Variants in C1orf105 observed in about 807,000 individuals in gnomAD.
C1orf105 encodes the protein uncharacterized protein C1orf105.
A neutral mutation model predicts 20.8 loss-of-function variants in C1orf105; 17 were observed. That is an observed-to-expected ratio of 0.82 (90% CI 0.56 to 1.23). The LOEUF is 1.23. Among genes scored for constraint, C1orf105 ranks in the 50% most tolerant of loss-of-function variants. The probability of loss-of-function intolerance (pLI) is 0.00; values close to 1 mark genes in which losing one functional copy is unlikely to be tolerated. For synonymous variants in C1orf105, 72 were observed against 72.1 expected (o/e 1.00, Z 0.01); for missense variants, 219 against 213.5 (o/e 1.03, Z -0.16).
At chr1:172,428,968 T>A in intron 1 of C1orf105, 1 of 556,914 alleles carries the variant, frequency 1.8e-6, no homozygotes, top group Non-Finnish European at 3.1e-6. Flanking sequence ...TACTGTTGGA[T>A]ACTGGGGGAA....
chr1:172,443,941 G>A (rs1269112153), intron 1 of C1orf105: 30 of 997,208 alleles, frequency 3.0e-5, no homozygotes, highest in Non-Finnish European at 3.5e-5. Context: ...AGGCAGCAGA[G>A]GAAAAGGAGC....
intron 3 of C1orf105, chr1:172,452,918 A>G: frequency 6.6e-7 from 1 of 1,507,606 alleles, no homozygotes; most frequent in Non-Finnish European, 8.9e-7. Flanking sequence ...CATTCCTGTT[A>G]TTGCTGCTGA....
At chr1:172,435,525 G>C (rs959605085) in intron 1 of C1orf105, among the ~76,000 whole-genome samples, 12 of 152,110 alleles carry the variant, frequency 7.9e-5, no homozygotes, top group Non-Finnish European at 4.4e-5. Flanking sequence ...TGCAGAAAAG[G>C]TCTTTGACAA....
At chr1:172,444,430 C>A in intron 1 of C1orf105, 1 of 453,352 alleles carries the variant, frequency 2.2e-6, no homozygotes, top group Non-Finnish European at 2.9e-6. Flanking sequence ...TGATTGAATG[C>A]CTGCATGTAA....
intron 1 of C1orf105, among the ~76,000 whole-genome samples, chr1:172,423,287 G>A (rs371634127): frequency 1.9e-4 from 29 of 152,324 alleles, no homozygotes; most frequent in African/African-American, 7.0e-4. Flanking sequence ...AGCACAGGAA[G>A]AGAGACTCTG....
chr1:172,431,788 C>T (rs1451331962), intron 1 of C1orf105, among the ~76,000 whole-genome samples: 4 of 152,236 alleles, frequency 2.6e-5, no homozygotes, highest in African/African-American at 4.8e-5. Context: ...GGCGGGGCAT[C>T]GCCTCACCTG....
intron 1 of C1orf105, among the ~76,000 whole-genome samples, chr1:172,440,252 T>C (rs1193913489): frequency 6.6e-6 from 1 of 152,214 alleles, no homozygotes; most frequent in Non-Finnish European, 1.5e-5. Context: ...CACAAATGAA[T>C]TACCACAGGA....
intron 4 of C1orf105, 37 bp from the exon 5 acceptor site, chr1:172,462,141 T>G: frequency 6.8e-7 from 1 of 1,478,760 alleles, no homozygotes; most frequent in Non-Finnish European, 9.4e-7. Flanking sequence ...CAAAATGCAG[T>G]TACAGGCAAC....
chr1:172,422,686 G>T (rs888784282), intron 1 of C1orf105, among the ~76,000 whole-genome samples: 2 of 151,854 alleles, frequency 1.3e-5, no homozygotes, highest in African/African-American at 4.8e-5. Context: ...AGCTCTTTGG[G>T]TCCCTGATTC....
chr1:172,453,453 T>G (rs547891556), intron 3 of C1orf105, among the ~76,000 whole-genome samples: 1 of 152,382 alleles, frequency 6.6e-6, no homozygotes, highest in African/African-American at 2.4e-5. Flanking sequence ...AACACTAATG[T>G]TCTGTAACGT....
chr1:172,461,546 G>T (rs1183250581), intron 4 of C1orf105, among the ~76,000 whole-genome samples: 1 of 152,176 alleles, frequency 6.6e-6, no homozygotes. Flanking sequence ...AAAAGTTCAA[G>T]AAAGTGATGT....
chr1:172,439,966 G>A (rs1573849356), intron 1 of C1orf105, among the ~76,000 whole-genome samples: 2 of 152,170 alleles, frequency 1.3e-5, no homozygotes, highest in East Asian at 3.9e-4. Context: ...TCATTGGCCA[G>A]TGTCCTTGGA....
chr1:172,445,016 A>G (rs188704199), intron 1 of C1orf105, 57 bp from the exon 2 acceptor site: 324 of 1,412,030 alleles, frequency 2.3e-4, no homozygotes, highest in Non-Finnish European at 3.0e-4. Context: ...GGCCATCGTA[A>G]TGATAGCAAT....
chr1:172,465,192 A>G, intron 5 of C1orf105, 107 bp from the exon 6 acceptor site: 1 of 411,838 alleles, frequency 2.4e-6, no homozygotes, highest in East Asian at 6.3e-5. Context: ...CTCAATAATA[A>G]TAATAAATAA....
chr1:172,431,636 T>C (rs974715350), intron 1 of C1orf105, among the ~76,000 whole-genome samples: 2 of 152,104 alleles, frequency 1.3e-5, no homozygotes, highest in African/African-American at 4.8e-5. Context: ...GATGGCCAAA[T>C]AGGAACAGCT....
At chr1:172,423,667 C>A (rs148944319) in intron 1 of C1orf105, among the ~76,000 whole-genome samples, 1 of 151,772 alleles carries the variant, frequency 6.6e-6, no homozygotes, top group African/African-American at 2.4e-5. Context: ...ACCTTTCAGA[C>A]AAGGAATTCA....
In C1orf105 at chr1:172,450,467, G is replaced by A. The variant is rs146707777; in HGVS notation, c.198+1936G>A. 1.5e-3 allele frequency among the ~76,000 whole-genome samples: 236 copies of A among 152,364 alleles called. 2 individuals carry two copies. Among genetic ancestry groups the A allele is most frequent in the Non-Finnish European group, 2.8e-3 (192 of 68,034 alleles). On this transcript the variant is annotated intron_variant, in intron 3 of 6. Coordinates refer to ENST00000367727, the MANE Select transcript of C1orf105 (RefSeq NM_139240.4). ...ACGTATGTGCCATGAGGTAAACGTG[G>A]ATTCAGCTGGCAGCTGCTCCCTTCT...
chr1:172,439,005 A>G (rs970103634), intron 1 of C1orf105, among the ~76,000 whole-genome samples: 55 of 152,242 alleles, frequency 3.6e-4, no homozygotes, highest in Admixed American at 3.6e-3. Context: ...TGCACACTTT[A>G]TAGACTTTAT....
At chr1:172,452,738 A>G in intron 3 of C1orf105, 2 of 977,828 alleles carry the variant, frequency 2.0e-6, no homozygotes, top group Non-Finnish European at 2.4e-6. Context: ...TCTGCATCAT[A>G]CCTTGGCCAG....
Sources: gnomAD v4.1 joint callset for allele counts (sites outside exome capture counted in the v4.1 genomes callset) on GRCh38, gnomAD v4.1.1 for gene constraint, MANE v1.5 for transcripts, NCBI Gene and HGNC (gene_info 2026-07-23, HGNC 2026-07-21) for gene names.